Variants in P4HA1 observed in about 807,000 individuals in gnomAD.
P4HA1 encodes prolyl 4-hydroxylase subunit alpha 1.
P4HA1 carries 24 observed loss-of-function variants against 72.8 expected under a neutral mutation model. That is an observed-to-expected ratio of 0.33 (90% CI 0.24 to 0.46). The LOEUF (loss-of-function observed/expected upper bound fraction) is 0.46. P4HA1 is among the 20% of genes least tolerant of loss of function. The pLI, the probability that P4HA1 is intolerant of heterozygous loss-of-function variation, is 1.00. For synonymous variants in P4HA1, 201 were observed against 218.8 expected, an observed-to-expected ratio of 0.92 and a Z score of 0.72; for missense variants, 446 against 640.6, an observed-to-expected ratio of 0.70 and a Z score of 3.28.
Position 73,016,909 on chromosome 10 carries a change from A to G in P4HA1, c.1249-10T>C. ...CTCCATAATTTGCTACCTGAAGGAA[A>G]GACACAAAGCATGAAAGAAAAGAAC... is the stretch of plus-strand genomic sequence containing the variant. On this transcript the variant is annotated splice_polypyrimidine_tract_variant and intron_variant, in intron 10 of 14. Transcript: ENST00000394890. 1 of 1,607,424 alleles carries G rather than the reference A, an allele frequency of 6.2e-7. No homozygotes were observed. Among genetic ancestry groups the G allele is most frequent in the East Asian group, 2.2e-5 (1 of 44,780 alleles).
chr10:73,036,696 C>T (rs1216884330), intron 9 of P4HA1, among the ~76,000 whole-genome samples: 1 of 152,144 alleles, frequency 6.6e-6, no homozygotes, highest in Non-Finnish European at 1.5e-5. Context: ...TCACACCTGG[C>T]CCAAAATACA....
At chr10:73,096,545 T>C (rs572148354) in intron 1 of P4HA1, among the ~76,000 whole-genome samples, 1 of 150,148 alleles carries the variant, frequency 6.7e-6, no homozygotes, top group East Asian at 2.0e-4. Context: ...GGGACAGAGG[T>C]GGGAAGGGGG....
chr10:73,092,844 G>C (rs1230004819), intron 1 of P4HA1, among the ~76,000 whole-genome samples: 2 of 152,000 alleles, frequency 1.3e-5, no homozygotes, highest in East Asian at 3.9e-4. Context: ...AGGATGACCA[G>C]GCATGGTGGC....
chr10:73,076,613 G>C (rs1014141322), intron 1 of P4HA1, among the ~76,000 whole-genome samples: 2 of 151,880 alleles, frequency 1.3e-5, no homozygotes, highest in African/African-American at 4.8e-5. Flanking sequence ...GATTCTTCAT[G>C]GCAGATGAGG....
At chr10:73,018,760 G>GA (rs1038667712) in intron 10 of P4HA1, among the ~76,000 whole-genome samples, 24 of 152,138 alleles carry the variant, frequency 1.6e-4, no homozygotes, top group Admixed American at 1.4e-3. Context: ...CTCTTCCCTG[G>GA]AGTTGGGCCA....
At chr10:73,025,856 A>G (rs1294653195) in intron 10 of P4HA1, among the ~76,000 whole-genome samples, 1 of 151,714 alleles carries the variant, frequency 6.6e-6, no homozygotes, top group Non-Finnish European at 1.5e-5. Flanking sequence ...ACTCCCATTC[A>G]CAATTGCTAC....
Position 73,068,958 on chromosome 10 carries a change from C to G in P4HA1, c.351G>C (p.Gln117His). 1 of 1,612,758 alleles carries G rather than the reference C, an allele frequency of 6.2e-7. No homozygotes were observed. The highest frequency in any genetic ancestry group is 1.7e-5 in the Admixed American group (1 of 59,988). ...SDGFISNLTI[Q>H]RQYFPNDEDQ... ...CTTCATCATTAGGAAAGTACTGTCT[C>G]TGAATGGTTAGGTTAGAGATAAAGC... Residue 117 changes from glutamine to histidine, a missense_variant, in exon 5 of 15, where the codon CAG becomes CAC. Coordinates refer to ENST00000394890, the MANE Select transcript of P4HA1 (RefSeq NM_001017962.3).
chr10:73,053,342 A>G lies in P4HA1; in HGVS notation c.703+9T>C, dbSNP rs199883693. On this transcript the variant is annotated intron_variant, in intron 6 of 14. Coordinates refer to ENST00000394890, the MANE Select transcript of P4HA1 (RefSeq NM_001017962.3). ...AACTATAACCTTAAATTAGGCCCAG[A>G]TAACATACCTAGTTCAAGAAGCTTC... 4 of 1,613,354 alleles carry G rather than the reference A, an allele frequency of 2.5e-6. No individual in the cohort carries two copies. The highest frequency in any genetic ancestry group is 1.3e-5 in the African/African-American group (1 of 74,836).
intron 10 of P4HA1, among the ~76,000 whole-genome samples, chr10:73,027,279 T>C (rs1480271009): frequency 6.6e-6 from 1 of 152,036 alleles, no homozygotes; most frequent in African/African-American, 2.4e-5. Flanking sequence ...TAAAAAAGGA[T>C]GAGTTCATGT....
chr10:73,096,612 C>T (rs1255597554), intron 1 of P4HA1, among the ~76,000 whole-genome samples, 154 bp downstream of exon 1: 1 of 152,148 alleles, frequency 6.6e-6, no homozygotes, highest in African/African-American at 2.4e-5. Flanking sequence ...GGCCGAGTCT[C>T]CCGAGGGGAA....
At chr10:73,028,337 C>CACA (rs937091712) in intron 10 of P4HA1, among the ~76,000 whole-genome samples, 1 of 146,662 alleles carries the variant, frequency 6.8e-6, no homozygotes, top group African/African-American at 2.7e-5. Flanking sequence ...CACACACACA[C>CACA]ACACACACAA....
intron 1 of P4HA1, among the ~76,000 whole-genome samples, chr10:73,089,788 G>A (rs1328340298): frequency 1.3e-5 from 2 of 148,694 alleles, no homozygotes; most frequent in Admixed American, 6.7e-5. Flanking sequence ...TTAAGCAACA[G>A]AAAGGAAACA....
At chr10:73,083,781 C>A (rs541385696) in intron 1 of P4HA1, among the ~76,000 whole-genome samples, 1 of 152,140 alleles carries the variant, frequency 6.6e-6, no homozygotes, top group African/African-American at 2.4e-5. Context: ...CAGAGTGGAA[C>A]TTGGTCTCAA....
chr10:73,057,236 A>T (rs1007879024), intron 5 of P4HA1, among the ~76,000 whole-genome samples: 1 of 152,032 alleles, frequency 6.6e-6, no homozygotes, highest in Non-Finnish European at 1.5e-5. Flanking sequence ...CACGCCTGTA[A>T]TCCCAGCACT....
intron 1 of P4HA1, among the ~76,000 whole-genome samples, chr10:73,086,117 G>A (rs1316808613): frequency 2.6e-5 from 4 of 152,186 alleles, no homozygotes; most frequent in Non-Finnish European, 5.9e-5. Flanking sequence ...CTGGAAAACA[G>A]TTTAGTTCCT....
rs1335505797 is a variant in P4HA1 at position 73,093,867 on chromosome 10, A to AAT, written c.-33+2898_-33+2899insAT. On this transcript the variant is annotated intron_variant, in intron 1 of 14. Coordinates refer to ENST00000394890, the MANE Select transcript of P4HA1 (RefSeq NM_001017962.3). Reference sequence around the variant, plus strand: ...CAAAAAAAAAAAAAAAAAAAAAAAAAAAAAAAATATATATATATATATATA... The same window carrying AAT: ...CAAAAAAAAAAAAAAAAAAAAAAAAAATAAAAAAATATATATATATATATATA... Among the ~76,000 whole-genome samples the AAT allele has an allele frequency of 5.6e-4, 37 of 66,438 alleles. 1 individual carries two copies. The highest frequency in any genetic ancestry group is 2.3e-3 in the African/African-American group (33 of 14,284). The allele number at this position is 66,438 out of a possible 152,430, so 43.6% of individuals were successfully genotyped here.
intron 10 of P4HA1, among the ~76,000 whole-genome samples, chr10:73,029,034 G>C (rs1413562218): frequency 6.6e-6 from 1 of 151,878 alleles, no homozygotes; most frequent in East Asian, 2.0e-4. Flanking sequence ...GTCTCAAAAA[G>C]AAAAAGAAAG....
At chr10:73,037,938 T>C (rs1483924442) in intron 9 of P4HA1, among the ~76,000 whole-genome samples, 2 of 152,138 alleles carry the variant, frequency 1.3e-5, no homozygotes, top group African/African-American at 4.8e-5. Flanking sequence ...GTAAACAAAA[T>C]CTTAAGCCTA....
intron 5 of P4HA1, among the ~76,000 whole-genome samples, chr10:73,054,911 T>G (rs11000504): frequency 0.012 from 1,773 of 152,282 alleles, 20 homozygotes; most frequent in Non-Finnish European, 0.019. Flanking sequence ...AAAAATACCT[T>G]TTCAAAGCTT....
Sources: allele counts gnomAD v4.1 joint callset (sites outside exome capture counted in the v4.1 genomes callset), GRCh38; gene constraint gnomAD v4.1.1; transcripts MANE v1.5; gene names NCBI Gene and HGNC (gene_info 2026-07-23, HGNC 2026-07-21).